The following CDRT4 variants were observed in gnomAD, a reference collection of about 807,000 sequenced individuals.
CDRT4 encodes the protein CMT1A duplicated region transcript 4 protein.
For synonymous variants in CDRT4, 64 were observed against 69.6 expected (o/e 0.92, Z 0.40); for missense variants, 167 against 193.1 (o/e 0.87, Z 0.80).
At chr17:15,467,275 T>C (rs1368985317) in intron 1 of CDRT4, among the ~76,000 whole-genome samples, 185 bp downstream of exon 1, 6 of 152,118 alleles carry the variant, frequency 3.9e-5, no homozygotes, top group Admixed American at 2.0e-4. Flanking sequence ...CCTGAGGGGA[T>C]TGGGTGACCA....
rs777358607 is a variant in CDRT4 at position 15,464,385 on chromosome 17, C to T, written c.-130+3075G>A. Among the ~76,000 whole-genome samples the T allele has an allele frequency of 6.6e-6, 1 of 152,154 alleles. No individual in the cohort carries two copies. Among genetic ancestry groups the T allele is most frequent in the Non-Finnish European group, 1.5e-5 (1 of 68,028 alleles). ...AAGTCAAAGGAGGAAATGATTAGCA[C>T]GGGTCCATGAGCATTACATATCACC... is the stretch of plus-strand genomic sequence containing the variant. On this transcript the variant is annotated intron_variant, in intron 1 of 3. Coordinates refer to ENST00000619038, the MANE Select transcript of CDRT4 (RefSeq NM_001204477.2). The surrounding 1 kb of genome is among the most constrained non-coding windows in gnomAD (Gnocchi z 4.5).
At position 15,450,051 on chromosome 17, in the gene CDRT4, T is replaced by A. The variant is rs1979194721; in HGVS notation, c.-48+2953A>T. Among the ~76,000 whole-genome samples, 1 of 152,356 alleles carries A rather than the reference T, an allele frequency of 6.6e-6. No individual in the cohort carries two copies. Among genetic ancestry groups the A allele is most frequent in the African/African-American group, 2.4e-5 (1 of 41,594 alleles). ...GCAGGTGTCTTTTTGATAAAATGAT[T>A]TATATTCCTTCAGGTAGATTCCCAG... On this transcript the variant is annotated intron_variant, in intron 2 of 3. Transcript: ENST00000619038. The surrounding 1 kb of genome is among the most constrained non-coding windows in gnomAD (Gnocchi z 4.2).
chr17:15,462,471 A>G (rs1979802479), intron 1 of CDRT4, among the ~76,000 whole-genome samples: 1 of 151,130 alleles, frequency 6.6e-6, no homozygotes, highest in Non-Finnish European at 1.5e-5. Context: ...GAAAAGTAGA[A>G]GTCAAACCAT....
chr17:15,443,383 A>G, intron 2 of CDRT4, among the ~76,000 whole-genome samples: 1 of 150,854 alleles, frequency 6.6e-6, no homozygotes, highest in Non-Finnish European at 1.5e-5. Context: ...GGGCTCAAGC[A>G]ATCCTCCTGC....
rs1979931351 is a variant in CDRT4, at chr17:15,464,980, AAC to A, written c.-130+2478_-130+2479del. 2.0e-5 allele frequency among the ~76,000 whole-genome samples: 3 copies of A among 150,944 alleles called. No homozygotes were observed. Among genetic ancestry groups the A allele is most frequent in the Non-Finnish European group, 3.0e-5 (2 of 67,664 alleles). ...AGACACACACACCAACAGACACACC[AAC>A]ACACAGACACACGCAATACAGACAC... On this transcript the variant is annotated intron_variant, in intron 1 of 3. Transcript: ENST00000619038. The surrounding 1 kb of genome is among the most constrained non-coding windows in gnomAD (Gnocchi z 4.5).
At position 15,455,095 on chromosome 17, in the gene CDRT4, C is replaced by T. The variant is rs76809930; in HGVS notation, c.-129-2010G>A. On this transcript the variant is annotated intron_variant, in intron 1 of 3. Transcript: ENST00000619038. Reference sequence around the variant, plus strand: ...AACTCTAGAGAGAACAAAAGTGTCACGTTGTTCAGAGAATGACAGGGACCA... The same window carrying T: ...AACTCTAGAGAGAACAAAAGTGTCATGTTGTTCAGAGAATGACAGGGACCA... 7.9e-3 allele frequency among the ~76,000 whole-genome samples: 1,203 copies of T among 152,098 alleles called. 13 individuals are homozygous for T. Among genetic ancestry groups the T allele is most frequent in the African/African-American group, 0.028 (1,158 of 41,482 alleles).
chr17:15,466,269 G>A (rs1468396885), intron 1 of CDRT4, among the ~76,000 whole-genome samples: 1 of 152,136 alleles, frequency 6.6e-6, no homozygotes, highest in Non-Finnish European at 1.5e-5. Flanking sequence ...CAAGTGTAAA[G>A]CAAGAGCTTC....
intron 2 of CDRT4, among the ~76,000 whole-genome samples, chr17:15,446,068 T>C (rs1979010343): frequency 6.6e-6 from 1 of 152,004 alleles, no homozygotes; most frequent in Admixed American, 6.5e-5. Context: ...GAAAAGCTTA[T>C]CTCTGAGATC....
chr17:15,444,339 A>G lies in CDRT4; in HGVS notation c.-47-4054T>C, dbSNP rs185342813. On this transcript the variant is annotated intron_variant, in intron 2 of 3. Transcript: ENST00000619038. ...TGCTTCTAAACCCAGTGGTCCCCAA[A>G]CTTTGCAGCACATTGGAATTACTAG... The G allele has an allele frequency of 1.1e-4, 49 of 435,530 alleles. 1 individual carries two copies. The highest frequency in any genetic ancestry group is 4.2e-5 in the Non-Finnish European group (10 of 239,902). 27.0% of individuals were successfully genotyped at this position (435,530 alleles called of 1,614,324 possible).
Position 15,437,586 on chromosome 17 carries a change from T to G in CDRT4, c.*187A>C. The G allele has an allele frequency of 1.6e-6, 1 of 633,806 alleles. No homozygotes were observed. Among genetic ancestry groups the G allele is most frequent in the South Asian group, 2.0e-5 (1 of 49,640 alleles). The allele number at this position is 633,806 out of a possible 1,614,324, so 39.3% of individuals were successfully genotyped here. On this transcript the variant is annotated 3_prime_UTR_variant, in exon 4 of 4. Transcript: ENST00000619038. ...GAGAGCAGTGTGGGAGGGGACACAC[T>G]CACCCACCCACCTACAGCTTGCATT...
rs11653082 is a variant in CDRT4 at position 15,442,633 on chromosome 17, A to G, written c.-47-2348T>C. Among the ~76,000 whole-genome samples, 837 of 152,224 alleles carry G rather than the reference A, an allele frequency of 5.5e-3. 6 individuals carry two copies. Among genetic ancestry groups the G allele is most frequent in the Middle Eastern group, 0.02 (6 of 294 alleles). ...AGACTTGTGTGCATCTGTGTGACCC[A>G]CCATCCTGCTCAGAGCCTCTGGCCA... On this transcript the variant is annotated intron_variant, in intron 2 of 3. Transcript: ENST00000619038.
chr17:15,458,559 G>A (rs1979594417), intron 1 of CDRT4, among the ~76,000 whole-genome samples: 1 of 152,164 alleles, frequency 6.6e-6, no homozygotes, highest in Non-Finnish European at 1.5e-5. Context: ...TCATTGTGAA[G>A]AGGCCCAAGA....
chr17:15,444,714 CAGAGAGAGAGAG>C (rs59581257), intron 2 of CDRT4, among the ~76,000 whole-genome samples: 3 of 135,856 alleles, frequency 2.2e-5, no homozygotes, highest in East Asian at 2.3e-4. Context: ...TAGCCAAGCG[CAGAGAGAGAGAG>C]AGAGAGAGAG....
Position 15,436,672 on chromosome 17 carries a change from G to A in CDRT4, c.*1101C>T, listed in dbSNP as rs1039568340. 1 of 152,178 alleles carries A rather than the reference G, an allele frequency of 6.6e-6. No homozygotes were observed. The highest frequency in any genetic ancestry group is 2.4e-5 in the African/African-American group (1 of 41,428). 9.4% of individuals were successfully genotyped at this position (152,178 alleles called of 1,614,324 possible). ...AGGCAAACCCCAGAGAAGTACAGGG[G>A]AAAAGAGCTCTCCATTTCTCAGCAG... On this transcript the variant is annotated 3_prime_UTR_variant, in exon 4 of 4. Transcript: ENST00000619038.
intron 2 of CDRT4, among the ~76,000 whole-genome samples, chr17:15,444,746 G>GAGAGAGAGAGAGAGAGAGAGAGA (rs1978941589): frequency 1.3e-5 from 2 of 149,406 alleles, no homozygotes; most frequent in African/African-American, 5.0e-5. Flanking sequence ...GAGAGAGAGA[G>GAGAGAGAGAGAGAGAGAGAGAGA]GTCCAGAAGA....
At chr17:15,447,738 A>T (rs1271074184) in intron 2 of CDRT4, among the ~76,000 whole-genome samples, 1 of 152,312 alleles carries the variant, frequency 6.6e-6, no homozygotes, top group Non-Finnish European at 1.5e-5. Flanking sequence ...TTGATCTATT[A>T]TCTACAGATC....
intron 3 of CDRT4, chr17:15,439,069 T>G (rs1978633944): frequency 2.2e-6 from 1 of 455,424 alleles, no homozygotes; most frequent in Non-Finnish European, 4.4e-6. Flanking sequence ...ATCATGGGCA[T>G]GTCAGTCCTT....
At position 15,450,195 on chromosome 17, in the gene CDRT4, T is replaced by G. The variant is rs1033935624; in HGVS notation, c.-48+2809A>C. Among the ~76,000 whole-genome samples the G allele has an allele frequency of 9.2e-5, 14 of 152,316 alleles. No homozygotes were observed. Among genetic ancestry groups the G allele is most frequent in the African/African-American group, 3.1e-4 (13 of 41,568 alleles). ...CACCAAGCAACTATTTCAAACCTCC[T>G]CTTCACCTCCTTCTCCTTCCATTGT... On this transcript the variant is annotated intron_variant, in intron 2 of 3. Coordinates refer to ENST00000619038, the MANE Select transcript of CDRT4 (RefSeq NM_001204477.2). The surrounding 1 kb of genome is among the most constrained non-coding windows in gnomAD (Gnocchi z 4.2).
chr17:15,464,911 C>CA lies in CDRT4; in HGVS notation c.-130+2548dup, dbSNP rs1256574852. Among the ~76,000 whole-genome samples, 13 of 152,166 alleles carry CA rather than the reference C, an allele frequency of 8.5e-5. No individual in the cohort carries two copies. In the East Asian group the frequency reaches 2.3e-3, roughly 27 times the overall value. On this transcript the variant is annotated intron_variant, in intron 1 of 3. Transcript: ENST00000619038. The surrounding 1 kb of genome is among the most constrained non-coding windows in gnomAD (Gnocchi z 4.5). Reference sequence around the variant, plus strand: ...AGAGGCACAGACATCAAGCAGGGTTCAAGAAAGTGCAAGTGGGTGCAACAC... The same window carrying CA: ...AGAGGCACAGACATCAAGCAGGGTTCAAAGAAAGTGCAAGTGGGTGCAACAC...
Sources: allele counts gnomAD v4.1 joint callset (sites outside exome capture counted in the v4.1 genomes callset), GRCh38; gene constraint gnomAD v4.1.1; non-coding constraint Gnocchi (gnomAD v3.1); transcripts MANE v1.5; gene names NCBI Gene and HGNC (gene_info 2026-07-23, HGNC 2026-07-21).